EBF3: variants seen among roughly 807,000 people sequenced by gnomAD.
EBF3 encodes transcription factor COE3.
EBF3 carries 18 observed loss-of-function variants against 77.1 expected under a neutral mutation model. The observed-to-expected ratio is 0.23, with a 90% confidence interval of 0.16 to 0.35. EBF3 has a LOEUF of 0.35. Ranked by LOEUF, EBF3 falls within the 10% of genes least tolerant of loss-of-function variation. EBF3 has a pLI of 1.00. For missense variants in EBF3, 558 were observed against 860.0 expected (o/e 0.65, Z 4.39); for synonymous variants, 350 against 343.5 (o/e 1.02, Z -0.21).
chr10:129,858,681 C>G (rs1851418001), intron 10 of EBF3, among the ~76,000 whole-genome samples: 1 of 152,146 alleles, frequency 6.6e-6, no homozygotes, highest in Admixed American at 6.5e-5. Flanking sequence ...AGAAAAACCT[C>G]GCAGAATCCA....
At position 129,952,452 on chromosome 10, in the gene EBF3, G is replaced by T. The variant is rs1858742777; in HGVS notation, c.554+4806C>A. Among the ~76,000 whole-genome samples the T allele has an allele frequency of 6.6e-6, 1 of 152,138 alleles. No individual in the cohort carries two copies. Among genetic ancestry groups the T allele is most frequent in the South Asian group, 2.1e-4 (1 of 4,830 alleles). ...GCCGGGGCTTAGCCAAAATGTAAATGACATTAAAGAAGACAATGAATTTAA... is the reference window on the plus strand; with the variant it reads ...GCCGGGGCTTAGCCAAAATGTAAATTACATTAAAGAAGACAATGAATTTAA... On this transcript the variant is annotated intron_variant, in intron 6 of 16. Transcript: ENST00000440978. This position sits in a 1 kb window ranked among gnomAD's most constrained non-coding sequence, Gnocchi z 4.7.
In EBF3 at chr10:129,885,786, C is replaced by G. The variant is rs992398986; in HGVS notation, c.555-7937G>C. On this transcript the variant is annotated intron_variant, in intron 6 of 16. Transcript: ENST00000440978. The surrounding 1 kb of genome is among the most constrained non-coding windows in gnomAD (Gnocchi z 4.0). Reference sequence around the variant, plus strand: ...TTATTTAAGAAAAATGCCAGCATCACTTGGCTCACAACAGACGCACCCCCC... The same window carrying G: ...TTATTTAAGAAAAATGCCAGCATCAGTTGGCTCACAACAGACGCACCCCCC... Among the ~76,000 whole-genome samples the G allele has an allele frequency of 6.6e-6, 1 of 152,188 alleles. No individual in the cohort carries two copies. The highest frequency in any genetic ancestry group is 2.1e-4 in the South Asian group (1 of 4,832).
chr10:129,923,587 T>C (rs1309519686), intron 6 of EBF3, among the ~76,000 whole-genome samples: 2 of 152,150 alleles, frequency 1.3e-5, no homozygotes, highest in African/African-American at 2.4e-5. Flanking sequence ...GACTCCGACA[T>C]GCAAAAGAGT....
Position 129,841,108 on chromosome 10 carries a change from C to T in EBF3, c.1373-76G>A. On this transcript the variant is annotated intron_variant, in intron 13 of 16. Coordinates refer to ENST00000440978, the MANE Select transcript of EBF3 (RefSeq NM_001375380.1). The surrounding 1 kb of genome is among the most constrained non-coding windows in gnomAD (Gnocchi z 4.6). ...CACTTGGGGGGGGTTCCCCGAGAAT[C>T]TATATCATATATTAACATTGCTAAT... 6.4e-7 allele frequency: 1 copy of T among 1,551,598 alleles called. No individual in the cohort carries two copies. The highest frequency in any genetic ancestry group is 8.7e-7 in the Non-Finnish European group (1 of 1,145,966).
intron 6 of EBF3, among the ~76,000 whole-genome samples, chr10:129,907,884 G>A (rs918854040): frequency 1.3e-5 from 2 of 152,182 alleles, no homozygotes; most frequent in Middle Eastern, 3.2e-3. Flanking sequence ...AGGCATTTAT[G>A]ACACTTCAGA....
chr10:129,926,720 G>A (rs1442629459), intron 6 of EBF3, among the ~76,000 whole-genome samples: 1 of 152,214 alleles, frequency 6.6e-6, no homozygotes, highest in African/African-American at 2.4e-5. Flanking sequence ...TGGGAGAATG[G>A]AAAGAGGGTG....
chr10:129,946,246 C>T (rs1858217309), intron 6 of EBF3, among the ~76,000 whole-genome samples: 1 of 152,224 alleles, frequency 6.6e-6, no homozygotes. Context: ...CCAGCACACG[C>T]AATAAATTAC....
At chr10:129,927,163 G>T (rs1011334202) in intron 6 of EBF3, among the ~76,000 whole-genome samples, 1 of 152,172 alleles carries the variant, frequency 6.6e-6, no homozygotes, top group African/African-American at 2.4e-5. Flanking sequence ...GCTCCCGGGC[G>T]ATGGGGACAA....
At chr10:129,921,616 G>A (rs938036230) in intron 6 of EBF3, among the ~76,000 whole-genome samples, 2 of 152,176 alleles carry the variant, frequency 1.3e-5, no homozygotes, top group African/African-American at 4.8e-5. Context: ...CCAGCCCACG[G>A]CAGCCTGAGT....
intron 6 of EBF3, among the ~76,000 whole-genome samples, chr10:129,918,938 G>C (rs570249818): frequency 6.6e-6 from 1 of 152,222 alleles, no homozygotes. Context: ...AAACACTTGA[G>C]CTGTGCTCTG....
chr10:129,921,897 A>G (rs1299475329), intron 6 of EBF3, among the ~76,000 whole-genome samples: 5 of 152,230 alleles, frequency 3.3e-5, no homozygotes, highest in South Asian at 2.1e-4. Context: ...AGCCAGCCAC[A>G]TCCGCCCAAG....
chr10:129,956,776 T>C (rs934071284), intron 6 of EBF3, among the ~76,000 whole-genome samples: 6 of 152,104 alleles, frequency 3.9e-5, no homozygotes, highest in African/African-American at 9.7e-5. Flanking sequence ...ACAGCTACAA[T>C]TGGAAAAAAA....
intron 11 of EBF3, among the ~76,000 whole-genome samples, chr10:129,844,795 G>T (rs1850339169): frequency 6.6e-6 from 1 of 152,130 alleles, no homozygotes; most frequent in South Asian, 2.1e-4. Flanking sequence ...CATGAAGCAG[G>T]TATAATCAAT....
Position 129,841,991 on chromosome 10 carries a change from G to T in EBF3, c.1372+125C>A. Reference sequence around the variant, plus strand: ...CTTCCTGAGCAAAGGAACCAGCAGAGCCAGAGAGAACAGAACGCTACGGAC... The same window carrying T: ...CTTCCTGAGCAAAGGAACCAGCAGATCCAGAGAGAACAGAACGCTACGGAC... On this transcript the variant is annotated intron_variant, in intron 13 of 16. Coordinates refer to ENST00000440978, the MANE Select transcript of EBF3 (RefSeq NM_001375380.1). The surrounding 1 kb of genome is among the most constrained non-coding windows in gnomAD (Gnocchi z 4.6). 1.6e-6 allele frequency: 2 copies of T among 1,266,098 alleles called. No homozygotes were observed. Among genetic ancestry groups the T allele is most frequent in the Non-Finnish European group, 2.2e-6 (2 of 915,396 alleles). The allele number at this position is 1,266,098 out of a possible 1,614,324, so 78.4% of individuals were successfully genotyped here.
chr10:129,961,360 A>G (rs1322196871), intron 4 of EBF3, among the ~76,000 whole-genome samples: 1 of 152,200 alleles, frequency 6.6e-6, no homozygotes, highest in Non-Finnish European at 1.5e-5. Flanking sequence ...AATCTTTAAA[A>G]CAACCAAATC....
chr10:129,926,166 T>C (rs1427028481), intron 6 of EBF3, among the ~76,000 whole-genome samples: 10 of 151,538 alleles, frequency 6.6e-5, no homozygotes, highest in African/African-American at 1.7e-4. Flanking sequence ...GTCGCAGCCA[T>C]TCATTCATTC....
At chr10:129,850,493 G>A (rs571716894) in intron 10 of EBF3, among the ~76,000 whole-genome samples, 8 of 152,276 alleles carry the variant, frequency 5.3e-5, no homozygotes, top group Non-Finnish European at 8.8e-5. Flanking sequence ...AAGAATAAGC[G>A]CGGCACTCCA....
chr10:129,940,815 A>C (rs1465798043), intron 6 of EBF3, among the ~76,000 whole-genome samples: 2 of 152,284 alleles, frequency 1.3e-5, no homozygotes, highest in East Asian at 3.9e-4. Flanking sequence ...ATGGGAAGGC[A>C]GAGGGCACCG....
intron 6 of EBF3, among the ~76,000 whole-genome samples, chr10:129,904,116 C>A (rs899072677): frequency 2.0e-5 from 3 of 152,178 alleles, no homozygotes; most frequent in African/African-American, 7.2e-5. Flanking sequence ...GGAATTCATG[C>A]CCTTCCACCT....
Sources: gnomAD v4.1 joint callset for allele counts (sites outside exome capture counted in the v4.1 genomes callset) on GRCh38, gnomAD v4.1.1 for gene constraint, Gnocchi (gnomAD v3.1) non-coding constraint, MANE v1.5 for transcripts, NCBI Gene and HGNC (gene_info 2026-07-23, HGNC 2026-07-21) for gene names.